CEP112: variants seen among roughly 807,000 people sequenced by gnomAD.
CEP112 encodes centrosomal protein 112, also known as centrosomal protein of 112 kDa.
Under a neutral mutation model 153.0 loss-of-function variants are expected in CEP112, and 127 were observed. The ratio of observed to expected loss-of-function variants is 0.83; its 90% CI spans 0.72 to 0.96. The LOEUF (loss-of-function observed/expected upper bound fraction) is 0.96, where lower values mean the gene tolerates loss of function less well. Ranked by LOEUF, CEP112 falls within the 40% of genes least tolerant of loss-of-function variation. The pLI, the probability that CEP112 is intolerant of heterozygous loss-of-function variation, is 0.00. For synonymous variants in CEP112, 358 were observed against 374.4 expected, an observed-to-expected ratio of 0.96 and a Z score of 0.51; for missense variants, 1,089 against 1,101.2, an observed-to-expected ratio of 0.99 and a Z score of 0.16.
chr17:66,051,970 G>A (rs2319118), intron 12 of CEP112, among the ~76,000 whole-genome samples: 149,396 of 152,346 alleles, frequency 0.98, 73,316 homozygotes, highest in East Asian at 1. Context: ...GCCTATCTTA[G>A]ATGTGTTCAG....
At chr17:65,920,142 C>T (rs6504373) in intron 19 of CEP112, among the ~76,000 whole-genome samples, 2,018 of 151,320 alleles carry the variant, frequency 0.013, 42 homozygotes, top group African/African-American at 0.046. Context: ...ATCAGGAGTT[C>T]GAGACCAACC....
At chr17:65,702,721 G>A (rs1466407718) in intron 23 of CEP112, among the ~76,000 whole-genome samples, 1 of 152,150 alleles carries the variant, frequency 6.6e-6, no homozygotes, top group Non-Finnish European at 1.5e-5. Context: ...AGGTTTAATG[G>A]ACTCACAGTT....
At chr17:66,142,204 T>C (rs1283699151) in intron 4 of CEP112, among the ~76,000 whole-genome samples, 2 of 152,180 alleles carry the variant, frequency 1.3e-5, no homozygotes, top group South Asian at 4.1e-4. Context: ...CATCTTAAAA[T>C]TGGGTTGTTT....
intron 24 of CEP112, among the ~76,000 whole-genome samples, chr17:65,687,462 G>A (rs771332621): frequency 9.9e-5 from 15 of 151,984 alleles, no homozygotes; most frequent in African/African-American, 2.9e-4. Context: ...CACTGCGCCC[G>A]GCCTAGTTAT....
intron 17 of CEP112, among the ~76,000 whole-genome samples, chr17:65,967,086 G>A (rs2062441514): frequency 6.6e-6 from 1 of 152,130 alleles, no homozygotes; most frequent in Admixed American, 6.5e-5. Context: ...GCTTGAAACA[G>A]GTACGATAAT....
At chr17:65,942,632 C>A (rs571991611) in intron 18 of CEP112, among the ~76,000 whole-genome samples, 1 of 152,098 alleles carries the variant, frequency 6.6e-6, no homozygotes. Context: ...AAGTTCCTGC[C>A]GATAGCAAAT....
intron 20 of CEP112, among the ~76,000 whole-genome samples, chr17:65,869,942 A>G (rs1434021354): frequency 6.6e-6 from 1 of 151,732 alleles, no homozygotes; most frequent in Non-Finnish European, 1.5e-5. Flanking sequence ...TTTGGAGCAC[A>G]CTACAAAGGT....
At chr17:65,892,788 T>C (rs1420803) in intron 20 of CEP112, among the ~76,000 whole-genome samples, 82,837 of 151,994 alleles carry the variant, frequency 0.55, 24,819 homozygotes, top group Middle Eastern at 0.73. Flanking sequence ...TGCCTGTCAA[T>C]GTCACTATAA....
At chr17:66,184,640 G>A (rs931557921) in intron 1 of CEP112, among the ~76,000 whole-genome samples, 1 of 152,176 alleles carries the variant, frequency 6.6e-6, no homozygotes, top group Non-Finnish European at 1.5e-5. Context: ...CTCATGCATT[G>A]CTGGTAGAAA....
At chr17:65,720,297 C>G (rs1359583503) in intron 23 of CEP112, among the ~76,000 whole-genome samples, 1 of 152,120 alleles carries the variant, frequency 6.6e-6, no homozygotes, top group East Asian at 1.9e-4. Context: ...TCTAAAAGAT[C>G]TGGGCTAGAG....
chr17:66,055,073 G>T (rs2145946744), intron 11 of CEP112, among the ~76,000 whole-genome samples: 1 of 152,084 alleles, frequency 6.6e-6, no homozygotes, highest in East Asian at 1.9e-4. Context: ...TAATACATTT[G>T]ATTCACTACC....
chr17:66,108,985 T>C (rs1318915231), intron 6 of CEP112, among the ~76,000 whole-genome samples: 1 of 152,122 alleles, frequency 6.6e-6, no homozygotes, highest in African/African-American at 2.4e-5. Flanking sequence ...GAACTGGAGA[T>C]CATTAAGTTC....
chr17:65,904,906 A>T (rs569361149), intron 19 of CEP112, among the ~76,000 whole-genome samples: 1 of 152,338 alleles, frequency 6.6e-6, no homozygotes, highest in African/African-American at 2.4e-5. Flanking sequence ...CCATATGCAG[A>T]AAAATGAAAC....
At chr17:65,660,297 C>G (rs1479626374) in intron 24 of CEP112, among the ~76,000 whole-genome samples, 3 of 136,462 alleles carry the variant, frequency 2.2e-5, no homozygotes, top group African/African-American at 8.2e-5. Flanking sequence ...CTCCCTCCTT[C>G]TCTTTTCTCT....
At position 65,961,576 on chromosome 17, in the gene CEP112, G is replaced by C. The variant is rs77905043; in HGVS notation, c.1759C>G (p.Arg587Gly). ...TGCAACCTCTGAACTTCAGTCACAC[G>C]AGTTAGCTGCTCCTCTTTTTCCCTA... ...ALKEKEEQLT[R>G]VTEVQRLQAQ... Residue 587 changes from arginine (R) to glycine (G), a missense_variant, in exon 18 of 27, where the codon CGT becomes GGT. Physicochemically the swap from Arg to Gly is moderately radical, Grantham distance 125. Transcript: ENST00000535342. The C allele has an allele frequency of 1.2e-3, 1,901 of 1,612,182 alleles. 39 individuals are homozygous for C. In the East Asian group the frequency reaches 0.037, roughly 32 times the overall value.
At position 65,666,975 on chromosome 17, in the gene CEP112, C is replaced by A. The variant is rs1029002299; in HGVS notation, c.2697+22154G>T. 2.0e-5 allele frequency among the ~76,000 whole-genome samples: 3 copies of A among 152,104 alleles called. No individual in the cohort carries two copies. In the East Asian group the frequency reaches 5.8e-4, roughly 29 times the overall value. ...TATTATTTAAACACTGGCATCTGGT[C>A]TAAGGGAAACTTAATGCTAAGTCAG... On this transcript the variant is annotated intron_variant, in intron 24 of 26. Coordinates refer to ENST00000535342, the MANE Select transcript of CEP112 (RefSeq NM_001199165.4).
At chr17:66,110,088 A>C (rs939885108) in intron 6 of CEP112, among the ~76,000 whole-genome samples, 8 of 152,214 alleles carry the variant, frequency 5.3e-5, no homozygotes, top group Non-Finnish European at 5.9e-5. Context: ...TGAACCCAGG[A>C]GGCGGAGCTT....
At chr17:66,055,945 G>T (rs765712782) in intron 11 of CEP112, among the ~76,000 whole-genome samples, 1 of 152,196 alleles carries the variant, frequency 6.6e-6, no homozygotes, top group Non-Finnish European at 1.5e-5. Flanking sequence ...GCATCAGTGA[G>T]CACTTTCCCA....
intron 17 of CEP112, among the ~76,000 whole-genome samples, chr17:65,979,657 T>C (rs1437890924): frequency 1.3e-5 from 2 of 152,218 alleles, no homozygotes; most frequent in African/African-American, 4.8e-5. Context: ...ATTCTTGTTA[T>C]TGCCTTCTAG....
Sources: gnomAD v4.1 joint callset for allele counts (sites outside exome capture counted in the v4.1 genomes callset) on GRCh38, gnomAD v4.1.1 for gene constraint, MANE v1.5 for transcripts, NCBI Gene and HGNC (gene_info 2026-07-23, HGNC 2026-07-21) for gene names.